Variants in FGD4 observed in about 807,000 individuals in gnomAD.
FGD4 encodes FYVE, RhoGEF and PH domain containing 4, also known as FYVE, RhoGEF and PH domain-containing protein 4.
Under a neutral mutation model 102.0 loss-of-function variants are expected in FGD4, and 42 were observed. The ratio of observed to expected loss-of-function variants is 0.41; its 90% CI spans 0.32 to 0.53. FGD4 has a LOEUF of 0.53. Among genes scored for constraint, FGD4 ranks in the 20% least tolerant of loss-of-function variants. The probability of loss-of-function intolerance (pLI) is 0.21; values close to 1 mark genes in which losing one functional copy is unlikely to be tolerated. For synonymous variants in FGD4, 380 were observed against 375.7 expected (o/e 1.01, Z -0.13); for missense variants, 902 against 1,078.2 (o/e 0.84, Z 2.29).
At chr12:32,435,544 C>A (rs1204992734) in intron 1 of FGD4, among the ~76,000 whole-genome samples, 1 of 144,766 alleles carries the variant, frequency 6.9e-6, no homozygotes, top group East Asian at 2.1e-4. Flanking sequence ...TGGAATTGGC[C>A]TTTTTTTTGT....
chr12:32,603,637 G>A (rs182456747), intron 7 of FGD4, among the ~76,000 whole-genome samples: 3 of 152,000 alleles, frequency 2.0e-5, no homozygotes, highest in Admixed American at 1.3e-4. Flanking sequence ...TGCCTGCCTC[G>A]GCCTCCCAAA....
chr12:32,490,510 T>C (rs116895473), intron 1 of FGD4, among the ~76,000 whole-genome samples: 4,533 of 151,008 alleles, frequency 0.03, 179 homozygotes, highest in Admixed American at 0.12. Context: ...GATTATATCC[T>C]GCCTCAGCCT....
intron 1 of FGD4, among the ~76,000 whole-genome samples, chr12:32,491,946 G>A (rs1226961714): frequency 6.6e-6 from 1 of 152,178 alleles, no homozygotes; most frequent in East Asian, 1.9e-4. Flanking sequence ...CCAAATTATA[G>A]CATCCCAATT....
intron 2 of FGD4, among the ~76,000 whole-genome samples, chr12:32,569,097 C>T (rs892745056): frequency 7.2e-5 from 11 of 152,154 alleles, no homozygotes; most frequent in African/African-American, 2.7e-4. Context: ...CCCTCTCTTT[C>T]TCTCATATGT....
At chr12:32,627,702 A>G (rs1406667721) in intron 14 of FGD4, among the ~76,000 whole-genome samples, 2 of 152,212 alleles carry the variant, frequency 1.3e-5, no homozygotes, top group Non-Finnish European at 2.9e-5. Flanking sequence ...CTAACAAGAT[A>G]TAGCAACTCA....
intron 2 of FGD4, 114 bp from the exon 3 acceptor site, chr12:32,576,152 C>G (rs1377220424): frequency 2.8e-6 from 3 of 1,060,030 alleles, no homozygotes; most frequent in Non-Finnish European, 4.1e-6. Context: ...TTGACACCTG[C>G]CCCCTTTACA....
At chr12:32,527,098 A>G (rs1941319829) in intron 1 of FGD4, among the ~76,000 whole-genome samples, 1 of 152,196 alleles carries the variant, frequency 6.6e-6, no homozygotes, top group Non-Finnish European at 1.5e-5. Flanking sequence ...TGAAATTCAT[A>G]TACCATTGAG....
chr12:32,500,391 AT>A (rs1272369570), intron 1 of FGD4, among the ~76,000 whole-genome samples: 10 of 129,892 alleles, frequency 7.7e-5, no homozygotes, highest in Admixed American at 1.5e-4. Flanking sequence ...ATTTTATTTT[AT>A]TTTTATTTTA....
At chr12:32,416,965 C>T (rs1281339342) in intron 1 of FGD4, among the ~76,000 whole-genome samples, 1 of 151,060 alleles carries the variant, frequency 6.6e-6, no homozygotes, top group Non-Finnish European at 1.5e-5. Flanking sequence ...GGCACAATCT[C>T]GGCTCACTGC....
chr12:32,639,896 A>C (rs1951066874), intron 16 of FGD4, among the ~76,000 whole-genome samples: 1 of 152,220 alleles, frequency 6.6e-6, no homozygotes, highest in Non-Finnish European at 1.5e-5. Context: ...AGTTGATGGA[A>C]TAAGTGAATC....
chr12:32,518,509 A>G (rs1940143049), intron 1 of FGD4, among the ~76,000 whole-genome samples: 1 of 152,126 alleles, frequency 6.6e-6, no homozygotes, highest in Admixed American at 6.5e-5. Flanking sequence ...CAGCCCTGGC[A>G]TTCCTAATAT....
chr12:32,461,099 TATTC>T (rs1244007705), intron 1 of FGD4, among the ~76,000 whole-genome samples: 1 of 152,228 alleles, frequency 6.6e-6, no homozygotes, highest in African/African-American at 2.4e-5. Context: ...GTCCATAACT[TATTC>T]ATCATGTTGA....
intron 11 of FGD4, among the ~76,000 whole-genome samples, chr12:32,620,973 T>A (rs908070178): frequency 2.6e-5 from 4 of 151,914 alleles, no homozygotes; most frequent in Non-Finnish European, 5.9e-5. Flanking sequence ...CATAACCATT[T>A]TTAAAGGATA....
At chr12:32,472,703 C>G (rs1477350491) in intron 1 of FGD4, among the ~76,000 whole-genome samples, 1 of 152,246 alleles carries the variant, frequency 6.6e-6, no homozygotes, top group Non-Finnish European at 1.5e-5. Context: ...TGGCAGGCAG[C>G]TCCACCTGCA....
At chr12:32,624,295 G>C (rs1349127709) in intron 11 of FGD4, 127 bp from the exon 12 acceptor site, 9 of 732,048 alleles carry the variant, frequency 1.2e-5, no homozygotes, top group Non-Finnish European at 2.1e-5. Context: ...ATTAATTTTT[G>C]TTATAATTCC....
chr12:32,541,869 G>C (rs1452189085), intron 1 of FGD4, among the ~76,000 whole-genome samples: 2 of 152,096 alleles, frequency 1.3e-5, no homozygotes, highest in African/African-American at 4.8e-5. Context: ...TTATAAGGAA[G>C]TTAAGTAACT....
chr12:32,513,947 C>G (rs1192903852), intron 1 of FGD4, among the ~76,000 whole-genome samples: 1 of 152,156 alleles, frequency 6.6e-6, no homozygotes, highest in Non-Finnish European at 1.5e-5. Context: ...TATTCATAGT[C>G]TGATAAACAG....
intron 7 of FGD4, among the ~76,000 whole-genome samples, chr12:32,604,898 A>C (rs1458277279): frequency 6.9e-6 from 1 of 145,670 alleles, no homozygotes; most frequent in African/African-American, 2.6e-5. Flanking sequence ...TCTAAAATGC[A>C]AATATTGTTT....
At chr12:32,431,125 G>C (rs1942028307) in intron 1 of FGD4, among the ~76,000 whole-genome samples, 1 of 152,184 alleles carries the variant, frequency 6.6e-6, no homozygotes, top group Non-Finnish European at 1.5e-5. Context: ...GTCGAAAAAA[G>C]GAATAGAAAA....
Sources: gnomAD v4.1 joint callset for allele counts (sites outside exome capture counted in the v4.1 genomes callset) on GRCh38, gnomAD v4.1.1 for gene constraint, MANE v1.5 for transcripts, NCBI Gene and HGNC (gene_info 2026-07-23, HGNC 2026-07-21) for gene names.